Variants in CSNK2A2 observed in about 807,000 individuals in gnomAD.
CSNK2A2 encodes the protein casein kinase II subunit alpha'.
CSNK2A2 carries 8 observed loss-of-function variants against 54.0 expected under a neutral mutation model. That is an observed-to-expected ratio of 0.15 (90% CI 0.09 to 0.27). The LOEUF (loss-of-function observed/expected upper bound fraction) is 0.27, where lower values mean the gene tolerates loss of function less well. Ranked by LOEUF, CSNK2A2 falls within the 10% of genes least tolerant of loss-of-function variation. CSNK2A2 has a pLI of 1.00. For synonymous variants in CSNK2A2, 141 were observed against 153.9 expected (o/e 0.92, Z 0.62); for missense variants, 242 against 439.4 (o/e 0.55, Z 4.02).
intron 5 of CSNK2A2, among the ~76,000 whole-genome samples, chr16:58,169,426 G>A (rs116806252): frequency 0.012 from 1,833 of 152,142 alleles, 46 homozygotes; most frequent in African/African-American, 0.042. Flanking sequence ...CCACTCGACT[G>A]GGCTGAGGCT....
At chr16:58,196,884 G>A (rs974709843) in intron 1 of CSNK2A2, 40 bp from the exon 2 acceptor site, 1 of 1,313,706 alleles carries the variant, frequency 7.6e-7, no homozygotes. Context: ...CAGGACTGGG[G>A]GTTAACCAAG....
At chr16:58,169,177 C>T (rs1414010220) in intron 5 of CSNK2A2, among the ~76,000 whole-genome samples, 2 of 152,012 alleles carry the variant, frequency 1.3e-5, no homozygotes, top group South Asian at 2.1e-4. Context: ...CCGCCAGCCT[C>T]GGCCTCCCAA....
chr16:58,166,133 G>T (rs1299406425), intron 9 of CSNK2A2, among the ~76,000 whole-genome samples: 1 of 152,110 alleles, frequency 6.6e-6, no homozygotes, highest in Non-Finnish European at 1.5e-5. Context: ...TTATTGCAAT[G>T]TACCTGAAAA....
At chr16:58,194,206 G>C (rs1962379601) in intron 2 of CSNK2A2, among the ~76,000 whole-genome samples, 1 of 152,166 alleles carries the variant, frequency 6.6e-6, no homozygotes, top group African/African-American at 2.4e-5. Flanking sequence ...GGCTGTTCTA[G>C]ATTCTTCCAA....
At chr16:58,177,363 T>G (rs1456007386) in intron 4 of CSNK2A2, among the ~76,000 whole-genome samples, 2 of 152,178 alleles carry the variant, frequency 1.3e-5, no homozygotes, top group African/African-American at 4.8e-5. Flanking sequence ...TGGCAGGAAG[T>G]CAGCTTTGGT....
intron 2 of CSNK2A2, among the ~76,000 whole-genome samples, chr16:58,188,566 C>T (rs1365272912): frequency 6.6e-6 from 1 of 152,170 alleles, no homozygotes; most frequent in East Asian, 1.9e-4. Flanking sequence ...CTGGGATTTT[C>T]CTTTGCTATA....
Position 58,190,578 on chromosome 16 carries a change from T to G in CSNK2A2, c.217-3722A>C, listed in dbSNP as rs189654811. Reference sequence around the variant, plus strand: ...CACAGAAAACTTTTCCTCTAATCTTTCAAGTTTCATCACCCCAATTACATG... The same window carrying G: ...CACAGAAAACTTTTCCTCTAATCTTGCAAGTTTCATCACCCCAATTACATG... On this transcript the variant is annotated intron_variant, in intron 2 of 11. Transcript: ENST00000262506. Among the ~76,000 whole-genome samples the G allele has an allele frequency of 1.2e-4, 18 of 152,340 alleles. No individual in the cohort carries two copies. In the East Asian group the frequency reaches 2.7e-3, roughly 23 times the overall value.
chr16:58,194,201 T>C (rs1962379444), intron 2 of CSNK2A2, among the ~76,000 whole-genome samples: 1 of 152,214 alleles, frequency 6.6e-6, no homozygotes, highest in Non-Finnish European at 1.5e-5. Flanking sequence ...AGGAAGGCTG[T>C]TCTAGATTCT....
chr16:58,161,910 G>C (rs949677228), intron 11 of CSNK2A2: 2 of 152,280 alleles, frequency 1.3e-5, no homozygotes, highest in Admixed American at 1.3e-4. Context: ...AAGGCAGGCA[G>C]GCGGTGTCTG....
rs562694031 is a variant in CSNK2A2, at chr16:58,171,092, C to G, written c.430-2399G>C. ...CTTGACCTGGATAAGAAGCAATAAA[C>G]TAGACTCTTGAGGACACTTGAATGG... On this transcript the variant is annotated intron_variant, in intron 5 of 11. Coordinates refer to ENST00000262506, the MANE Select transcript of CSNK2A2 (RefSeq NM_001896.4). 3.3e-5 allele frequency among the ~76,000 whole-genome samples: 5 copies of G among 152,192 alleles called. No homozygotes were observed. The South Asian group carries it at 1.0e-3, about 32-fold the overall frequency.
intron 2 of CSNK2A2, among the ~76,000 whole-genome samples, chr16:58,194,056 T>C (rs960131366): frequency 6.6e-6 from 1 of 152,334 alleles, no homozygotes; most frequent in Non-Finnish European, 1.5e-5. Context: ...TTCTCACATA[T>C]ATTGCAAAGA....
At chr16:58,164,224 C>A in intron 10 of CSNK2A2, 77 bp from the exon 11 acceptor site, 2 of 1,367,908 alleles carry the variant, frequency 1.5e-6, no homozygotes, top group South Asian at 1.2e-5. Flanking sequence ...CCCACCCTTT[C>A]AACGGAAAGA....
intron 3 of CSNK2A2, among the ~76,000 whole-genome samples, chr16:58,185,372 A>T (rs1962165398): frequency 6.6e-6 from 1 of 152,154 alleles, no homozygotes; most frequent in Non-Finnish European, 1.5e-5. Flanking sequence ...AGTAAGCCTG[A>T]CCTTCTAATA....
rs1301884319 is a variant in CSNK2A2 at position 58,197,909 on chromosome 16, TGGGGGCGCG to T, written c.-182_-174del. On this transcript the variant is annotated 5_prime_UTR_variant, in exon 1 of 12. Transcript: ENST00000262506. The surrounding 1 kb of genome is among the most constrained non-coding windows in gnomAD (Gnocchi z 4.0). Reference sequence around the variant, plus strand: ...GCCGGGCCCGCGGGGGCGGGCGGGCTGGGGGCGCGGGGGGCGCCGGCCGAGCCGGCCCGG... The same window carrying T: ...GCCGGGCCCGCGGGGGCGGGCGGGCTGGGGGCGCCGGCCGAGCCGGCCCGG... The T allele has an allele frequency of 3.8e-5, 1 of 26,314 alleles. No homozygotes were observed. Among genetic ancestry groups the T allele is most frequent in the Non-Finnish European group, 8.2e-5 (1 of 12,170 alleles). The allele number at this position is 26,314 out of a possible 1,614,324, so 1.6% of individuals were successfully genotyped here. A position where few individuals can be genotyped will look rare whatever the true frequency, so the allele number is the denominator to read the frequency against.
intron 4 of CSNK2A2, among the ~76,000 whole-genome samples, chr16:58,180,016 T>C (rs901100231): frequency 1.4e-5 from 2 of 148,120 alleles, no homozygotes; most frequent in Non-Finnish European, 3.0e-5. Flanking sequence ...GAGGCGGAGG[T>C]TGCATTGAGC....
chr16:58,182,387 A>AAC (rs1555506375), intron 4 of CSNK2A2, among the ~76,000 whole-genome samples: 3 of 143,450 alleles, frequency 2.1e-5, no homozygotes, highest in Non-Finnish European at 4.6e-5. Flanking sequence ...AAAAAAAAAA[A>AAC]AAAAAAAAAA....
In CSNK2A2 at chr16:58,196,755, C is replaced by A; in HGVS notation, c.194G>T (p.Arg65Ile). 6.2e-7 allele frequency: 1 copy of A among 1,613,398 alleles called. No individual in the cohort carries two copies. The highest frequency in any genetic ancestry group is 8.5e-7 in the Non-Finnish European group (1 of 1,179,326). The change falls in exon 2 of 12, where the codon AGA becomes ATA. Residue 65 changes from arginine to isoleucine, a missense_variant. Transcript: ENST00000262506. ...CACCTTCAGGATTTTTACAACCACT[C>A]TCTCATTGTTGGTGATATTAATGGC... ...FEAINITNNE[R>I]VVVKILKPVK...
At chr16:58,181,024 C>A (rs1376552198) in intron 4 of CSNK2A2, among the ~76,000 whole-genome samples, 2 of 152,148 alleles carry the variant, frequency 1.3e-5, no homozygotes, top group Non-Finnish European at 2.9e-5. Context: ...ACACATCTGC[C>A]ATCTGATATT....
rs1336128000 is a variant in CSNK2A2 at position 58,174,479 on chromosome 16, A to G, written c.401T>C (p.Ile134Thr). ...AAGTAGTTCATACATATAAAACCGG[A>G]TATCAAAGTCTGTCAGGATCTGGTA... ...QLYQILTDFD[I>T]RFYMYELLKA... The change falls in exon 5 of 12, where the codon ATC becomes ACC. Residue 134 changes from isoleucine (I) to threonine (T), a missense_variant. This residue lies in a region of CSNK2A2 where 69 missense variants were observed against 97.0 expected (regional missense o/e 0.71). Transcript: ENST00000262506. The G allele has an allele frequency of 4.3e-6, 7 of 1,612,796 alleles. No individual in the cohort carries two copies. The highest frequency in any genetic ancestry group is 4.2e-6 in the Non-Finnish European group (5 of 1,179,590).
Sources: allele counts gnomAD v4.1 joint callset (sites outside exome capture counted in the v4.1 genomes callset), GRCh38; gene constraint gnomAD v4.1.1; regional missense constraint gnomAD v4.1.1; non-coding constraint Gnocchi (gnomAD v3.1); transcripts MANE v1.5; gene names NCBI Gene and HGNC (gene_info 2026-07-23, HGNC 2026-07-21).